ZNF397: variants seen among roughly 807,000 people sequenced by gnomAD.
ZNF397 encodes zinc finger protein 397.
In ZNF397, 38 loss-of-function variants were observed where a neutral mutation model predicts 50.6. The ratio of observed to expected loss-of-function variants is 0.75; its 90% CI spans 0.58 to 0.98. The LOEUF is 0.98. Among genes scored for constraint, ZNF397 ranks in the 50% least tolerant of loss-of-function variants. ZNF397 has a pLI of 0.00. For synonymous variants in ZNF397, 228 were observed against 215.2 expected, an observed-to-expected ratio of 1.06 and a Z score of -0.52; for missense variants, 624 against 624.1, an observed-to-expected ratio of 1.00 and a Z score of 0.00.
rs367678817 is a variant in ZNF397 at position 35,246,281 on chromosome 18, C to T, written c.1576C>T (p.Arg526Cys). ...KAFRHRSVLM[R>C]HQRVHTIK ...TTTCAGGCACAGATCGGTCCTTATGCGCCATCAAAGAGTCCACACTATAAA... is the reference window on the plus strand; with the variant it reads ...TTTCAGGCACAGATCGGTCCTTATGTGCCATCAAAGAGTCCACACTATAAA... Residue 526 changes from arginine (R) to cysteine (C), a missense_variant, in exon 4 of 4, where the codon CGC (arginine) becomes TGC (cysteine). Physicochemically the swap from Arg to Cys is radical, Grantham distance 180. Transcript: ENST00000330501. The T allele has an allele frequency of 3.4e-5, 52 of 1,550,092 alleles. No homozygotes were observed. Among genetic ancestry groups the T allele is most frequent in the East Asian group, 7.3e-5 (3 of 40,918 alleles).
Position 35,246,237 on chromosome 18 carries a change from G to T in ZNF397, c.1532G>T (p.Cys511Phe). 1 of 1,552,192 alleles carries T rather than the reference G, an allele frequency of 6.4e-7. No individual in the cohort carries two copies. The highest frequency in any genetic ancestry group is 1.2e-5 in the South Asian group (1 of 84,064). ...RIHSGDEAYI[C>F]NECGKAFRHR... is the part of the protein sequence containing the mutation. ...CATTCTGGGGATGAAGCTTATATAT[G>T]TAATGAATGTGGGAAGGCTTTCAGG... Residue 511 changes from cysteine to phenylalanine, a missense_variant, in exon 4 of 4, where the codon TGT becomes TTT. Physicochemically the swap from Cys to Phe is radical, Grantham distance 205. Coordinates refer to ENST00000330501, the MANE Select transcript of ZNF397 (RefSeq NM_001135178.3).
In ZNF397 at chr18:35,245,766, C is replaced by T; in HGVS notation, c.1061C>T (p.Ser354Leu). The change falls in exon 4 of 4, where the codon TCA becomes TTA. Residue 354 changes from serine (S) to leucine (L), a missense_variant. By Grantham distance (145) the Ser-to-Leu change is moderately radical. Coordinates refer to ENST00000330501, the MANE Select transcript of ZNF397 (RefSeq NM_001135178.3). The part of the protein sequence containing the change: ...SECGKAFNQS[S>L]ALIRHRKIHT... ...TGTGGGAAAGCTTTCAATCAGAGCT[C>T]AGCCCTCATTAGACATCGGAAAATC... 1.3e-6 allele frequency: 2 copies of T among 1,552,156 alleles called. No homozygotes were observed. Among genetic ancestry groups the T allele is most frequent in the Non-Finnish European group, 1.7e-6 (2 of 1,147,160 alleles).
Position 35,243,241 on chromosome 18 carries a change from G to A in ZNF397, c.504G>A (p.Gln168=). ...ASQESTDIHL[Q]PLKTQLKSWK... Reference sequence around the variant, plus strand: ...AAGAGTCAACAGACATCCACCTCCAGCCCTTAAAGACACAGCTGAAATCCT... The same window carrying A: ...AAGAGTCAACAGACATCCACCTCCAACCCTTAAAGACACAGCTGAAATCCT... Residue 168 remains glutamine (Q), a synonymous_variant, in exon 3 of 4, where the codon CAG becomes CAA. Transcript: ENST00000330501. The A allele has an allele frequency of 6.2e-7, 1 of 1,614,220 alleles. No individual in the cohort carries two copies. Among genetic ancestry groups the A allele is most frequent in the Non-Finnish European group, 8.5e-7 (1 of 1,180,052 alleles).
chr18:35,244,270 C>G (rs1046408184), intron 3 of ZNF397, among the ~76,000 whole-genome samples: 2 of 152,134 alleles, frequency 1.3e-5, no homozygotes, highest in Admixed American at 1.3e-4. Flanking sequence ...CTTCAACAGT[C>G]TGGTTAATGG....
chr18:35,253,824 C>A, downstream of ZNF397: 1 of 1,614,172 alleles, frequency 6.2e-7, no homozygotes, highest in Non-Finnish European at 8.5e-7. Context: ...CTGATGAGCT[C>A]TGAACTGCCC....
downstream of ZNF397, chr18:35,254,252 G>A (rs886488250): frequency 1.9e-6 from 3 of 1,614,094 alleles, no homozygotes; most frequent in East Asian, 2.2e-5. Flanking sequence ...ACCTCCCAAA[G>A]CTTCTTCAGC....
At position 35,245,358 on chromosome 18, in the gene ZNF397, A is replaced by G. The variant is rs764193138; in HGVS notation, c.653A>G (p.His218Arg). Residue 218 changes from histidine to arginine, a missense_variant, in exon 4 of 4, where the codon CAT (histidine) becomes CGT (arginine). Transcript: ENST00000330501. ...CCTTCATTTCGAGGAATTAGTGAGC[A>G]TGAAAGCAATTTAGTGTGGAAGCAA... ...QEPSFRGISEHESNLVWKQGS... is the reference protein window; with the variant it reads ...QEPSFRGISERESNLVWKQGS... The G allele has an allele frequency of 2.4e-5, 38 of 1,611,746 alleles. No homozygotes were observed. In the Admixed American group the frequency reaches 6.2e-4, roughly 26 times the overall value.
intron 1 of ZNF397, among the ~76,000 whole-genome samples, chr18:35,242,061 A>G (rs1010758053): frequency 6.6e-6 from 1 of 152,230 alleles, no homozygotes; most frequent in South Asian, 2.1e-4. Context: ...TAATACATAC[A>G]TGTTAAAGAT....
In ZNF397 at chr18:35,245,246, C is replaced by T. The variant is rs781647072; in HGVS notation, c.557-16C>T. The T allele has an allele frequency of 5.8e-6, 9 of 1,559,616 alleles. No homozygotes were observed. The Admixed American group carries it at 6.0e-5, about 10-fold the overall frequency. On this transcript the variant is annotated splice_polypyrimidine_tract_variant and intron_variant, in intron 3 of 3. Transcript: ENST00000330501. ...GAGAAATGTAATATCTGTTTTTTTG[C>T]TACTTATTGTTTCAGATTGTGAGAA... is the stretch of plus-strand genomic sequence containing the variant.
At chr18:35,253,316 C>G (rs892229683), downstream of ZNF397, 8 of 614,372 alleles carry the variant, frequency 1.3e-5, no homozygotes, top group Non-Finnish European at 1.9e-5. Context: ...TCTTTGTGTG[C>G]ATGTCTTCTT....
At position 35,245,711 on chromosome 18, in the gene ZNF397, A is replaced by G; in HGVS notation, c.1006A>G (p.Ser336Gly). 1 of 1,552,184 alleles carries G rather than the reference A, an allele frequency of 6.4e-7. No individual in the cohort carries two copies. Among genetic ancestry groups the G allele is most frequent in the Non-Finnish European group, 8.7e-7 (1 of 1,147,200 alleles). ...SYLIIHQRIH[S>G]GEKAYECSEC... Reference sequence around the variant, plus strand: ...TCTTATTATTCATCAGAGAATTCATAGTGGTGAGAAAGCATATGAATGTAG... The same window carrying G: ...TCTTATTATTCATCAGAGAATTCATGGTGGTGAGAAAGCATATGAATGTAG... The change falls in exon 4 of 4, where the codon AGT becomes GGT. Residue 336 changes from serine to glycine, a missense_variant. By Grantham distance (56) the Ser-to-Gly change is moderately conservative (BLOSUM62 0). Coordinates refer to ENST00000330501, the MANE Select transcript of ZNF397 (RefSeq NM_001135178.3).
intron 2 of ZNF397, 105 bp from the exon 3 acceptor site, chr18:35,243,047 G>C: frequency 6.5e-7 from 1 of 1,546,032 alleles, no homozygotes; most frequent in Non-Finnish European, 8.8e-7. Context: ...TTTTTCCCCT[G>C]TCCTTCATCC....
chr18:35,243,278 C>T lies in ZNF397; in HGVS notation c.541C>T (p.Leu181Phe), dbSNP rs776295335. The change falls in exon 3 of 4, where the codon CTT (leucine) becomes TTT (phenylalanine). Residue 181 changes from leucine (L) to phenylalanine (F), a missense_variant. Physicochemically the swap from Leu to Phe is conservative, Grantham distance 22 (BLOSUM62 0). Coordinates refer to ENST00000330501, the MANE Select transcript of ZNF397 (RefSeq NM_001135178.3). ...ACAGCTGAAATCCTGGAAACCATGC[C>T]TTTCCCCTAAAAGTGGTGAGGAATG... ...KTQLKSWKPC[L>F]SPKSDCENSE... 1.9e-6 allele frequency: 3 copies of T among 1,614,248 alleles called. No homozygotes were observed. The South Asian group carries it at 3.3e-5, about 18-fold the overall frequency.
intron 3 of ZNF397, among the ~76,000 whole-genome samples, chr18:35,245,002 A>G (rs2043448547): frequency 6.6e-6 from 1 of 152,202 alleles, no homozygotes; most frequent in African/African-American, 2.4e-5. Flanking sequence ...CAGTTGAGAA[A>G]GAGATTGTAA....
At chr18:35,243,460 T>C (rs1265159117) in intron 3 of ZNF397, 167 bp downstream of exon 3, 5 of 851,966 alleles carry the variant, frequency 5.9e-6, no homozygotes, top group East Asian at 5.2e-5. Flanking sequence ...CATGAATTGC[T>C]GTCAGCCCTC....
chr18:35,246,454 T>C lies in ZNF397; in HGVS notation c.*144T>C, dbSNP rs2043483960. On this transcript the variant is annotated 3_prime_UTR_variant, in exon 4 of 4. Transcript: ENST00000330501. ...GCTTGCTTTGTGCAGCATTTCCCAG[T>C]GCTAATGTAAAGTGTCCCTTGAAAG... is the stretch of plus-strand genomic sequence containing the variant. 2.6e-5 allele frequency: 38 copies of C among 1,435,166 alleles called. No individual in the cohort carries two copies. The South Asian group carries it at 5.6e-4, about 21-fold the overall frequency. The allele number at this position is 1,435,166 out of a possible 1,614,324, so 88.9% of individuals were successfully genotyped here.
intron 5 of ZNF397, chr18:35,256,248 GAA>G (rs1021429124): frequency 5.3e-5 from 8 of 152,180 alleles, no homozygotes; most frequent in African/African-American, 1.9e-4. Context: ...GTAATTCTTA[GAA>G]AAGACAAATA....
chr18:35,257,247 TTAATGC>T (rs1275345338), intron 5 of ZNF397: 1 of 152,404 alleles, frequency 6.6e-6, no homozygotes, highest in African/African-American at 2.4e-5. Context: ...GCTTTTAGCC[TTAATGC>T]TATGTCAGTG....
chr18:35,254,608 T>C, downstream of ZNF397: 1 of 702,654 alleles, frequency 1.4e-6, no homozygotes, highest in East Asian at 2.9e-5. Context: ...AGAAGAGGGA[T>C]GGTGAACAAG....
Sources: allele counts gnomAD v4.1 joint callset (sites outside exome capture counted in the v4.1 genomes callset), GRCh38; gene constraint gnomAD v4.1.1; transcripts MANE v1.5; gene names NCBI Gene and HGNC (gene_info 2026-07-23, HGNC 2026-07-21).